SYCP1: variants seen among roughly 807,000 people sequenced by gnomAD.
The protein encoded by SYCP1 is synaptonemal complex protein 1.
SYCP1 carries 64 observed loss-of-function variants against 153.1 expected under a neutral mutation model. The observed-to-expected ratio is 0.42, with a 90% CI of 0.34 to 0.51. The LOEUF (loss-of-function observed/expected upper bound fraction) is 0.51, where lower values mean the gene tolerates loss of function less well. SYCP1 is among the 20% of genes least tolerant of loss of function. The probability of loss-of-function intolerance (pLI) is 0.06; values close to 1 mark genes in which losing one functional copy is unlikely to be tolerated. For missense variants in SYCP1, 997 were observed against 1,049.0 expected, an observed-to-expected ratio of 0.95 and a Z score of 0.68; for synonymous variants, 384 against 341.8, an observed-to-expected ratio of 1.12 and a Z score of -1.36.
chr1:114,880,881 T>C (rs374278272), intron 12 of SYCP1, among the ~76,000 whole-genome samples: 1 of 152,312 alleles, frequency 6.6e-6, no homozygotes, highest in Non-Finnish European at 1.5e-5. Context: ...TATGATCAAC[T>C]AATTTTTGTT....
intron 12 of SYCP1, among the ~76,000 whole-genome samples, chr1:114,883,881 C>T (rs2798655): frequency 0.023 from 3,547 of 152,078 alleles, 55 homozygotes; most frequent in South Asian, 0.034. Context: ...TTAGTAGAGA[C>T]GGGGTTTCAC....
At chr1:114,960,020 T>C (rs186876017) in intron 27 of SYCP1, among the ~76,000 whole-genome samples, 1 of 152,204 alleles carries the variant, frequency 6.6e-6, no homozygotes, top group African/African-American at 2.4e-5. Context: ...TTCCAAATCT[T>C]GGCTATTGTG....
intron 20 of SYCP1, among the ~76,000 whole-genome samples, chr1:114,919,194 T>C (rs1668699244): frequency 6.6e-6 from 1 of 152,080 alleles, no homozygotes; most frequent in African/African-American, 2.4e-5. Flanking sequence ...TACCCCGTTT[T>C]TTGAGGGTTT....
chr1:114,989,597 T>C (rs1673778129), intron 30 of SYCP1, among the ~76,000 whole-genome samples: 1 of 151,928 alleles, frequency 6.6e-6, no homozygotes, highest in African/African-American at 2.4e-5. Context: ...ACATGAAAAC[T>C]ATATGCTGTT....
chr1:114,923,958 A>G (rs1043048131), intron 21 of SYCP1, among the ~76,000 whole-genome samples: 2 of 152,160 alleles, frequency 1.3e-5, no homozygotes, highest in East Asian at 3.9e-4. Flanking sequence ...TGATTATAGT[A>G]TATATTATAC....
At chr1:114,884,201 G>A (rs919532601) in intron 12 of SYCP1, among the ~76,000 whole-genome samples, 2 of 152,128 alleles carry the variant, frequency 1.3e-5, no homozygotes, top group Non-Finnish European at 2.9e-5. Context: ...TCCTTGTTAC[G>A]TTTCCAATCA....
intron 23 of SYCP1, among the ~76,000 whole-genome samples, chr1:114,932,146 C>G (rs1669675100): frequency 6.6e-6 from 1 of 152,146 alleles, no homozygotes; most frequent in Non-Finnish European, 1.5e-5. Context: ...TGGCCAAGGT[C>G]AGCAAAGATT....
chr1:114,881,813 T>A (rs1665965741), intron 12 of SYCP1, among the ~76,000 whole-genome samples: 2 of 152,176 alleles, frequency 1.3e-5, no homozygotes, highest in Non-Finnish European at 2.9e-5. Flanking sequence ...ACTTTGTTGA[T>A]TTTAAGAAGT....
At chr1:114,895,539 G>A (rs1287557874) in intron 16 of SYCP1, 30 bp downstream of exon 16, 8 of 1,206,262 alleles carry the variant, frequency 6.6e-6, no homozygotes, top group Non-Finnish European at 8.0e-6. Flanking sequence ...TTAATATATA[G>A]CAATTACTTT....
intron 12 of SYCP1, among the ~76,000 whole-genome samples, chr1:114,878,726 A>G (rs1206766503): frequency 6.6e-6 from 1 of 152,056 alleles, no homozygotes; most frequent in African/African-American, 2.4e-5. Context: ...GTATTTTCCT[A>G]GAGACGGGTT....
intron 11 of SYCP1, 87 bp from the exon 12 acceptor site, chr1:114,878,007 A>C (rs1665659741): frequency 2.6e-6 from 2 of 779,876 alleles, no homozygotes; most frequent in African/African-American, 3.5e-5. Flanking sequence ...CATGTAGACA[A>C]GTACATAAAA....
chr1:114,858,319 T>C (rs936959696), intron 5 of SYCP1, among the ~76,000 whole-genome samples: 2 of 152,150 alleles, frequency 1.3e-5, no homozygotes, highest in African/African-American at 4.8e-5. Context: ...GCCATTTCAT[T>C]TTATTCAGCA....
chr1:114,924,680 C>G (rs1428753741), intron 21 of SYCP1, among the ~76,000 whole-genome samples: 1 of 151,878 alleles, frequency 6.6e-6, no homozygotes, highest in Non-Finnish European at 1.5e-5. Flanking sequence ...ATTTAAGTAA[C>G]TACAAAAAAT....
intron 12 of SYCP1, among the ~76,000 whole-genome samples, chr1:114,881,501 ATCCTTCCTTCCTTCCTTCCT>A (rs71093615): frequency 6.8e-5 from 7 of 102,746 alleles, no homozygotes; most frequent in South Asian, 3.4e-4. Context: ...GGAAGGTATT[ATCCTTCCTTCCTTCCTTCCT>A]TCCTTCCTTC....
intron 8 of SYCP1, among the ~76,000 whole-genome samples, chr1:114,864,491 C>G (rs941522134): frequency 2.0e-5 from 3 of 151,558 alleles, no homozygotes; most frequent in African/African-American, 7.3e-5. Context: ...TCTTTCTTTT[C>G]TTTTTTTGAT....
chr1:114,976,307 C>T (rs573021474), intron 27 of SYCP1, among the ~76,000 whole-genome samples: 1 of 151,228 alleles, frequency 6.6e-6, no homozygotes, highest in African/African-American at 2.4e-5. Flanking sequence ...ATCAAGTCAA[C>T]TCTCTGTTTG....
At chr1:114,857,156 A>AAAAG (rs774041717) in intron 3 of SYCP1, 76 bp from the exon 4 acceptor site, 13 of 921,326 alleles carry the variant, frequency 1.4e-5, no homozygotes, top group East Asian at 2.9e-5. Context: ...AAAAAAAAAA[A>AAAAG]AGAGAAAAAA....
At chr1:114,854,826 A>C (rs567177316), upstream of SYCP1, 2 of 152,324 alleles carry the variant, frequency 1.3e-5, no homozygotes, top group South Asian at 4.1e-4. Context: ...AAGCCCACAC[A>C]GCGACGGTTA....
Position 114,981,453 on chromosome 1 carries a change from G to A in SYCP1, c.2500G>A (p.Asp834Asn), listed in dbSNP as rs371660711. The A allele has an allele frequency of 2.0e-4, 329 of 1,608,736 alleles. No homozygotes were observed. The highest frequency in any genetic ancestry group is 2.6e-4 in the Non-Finnish European group (311 of 1,178,180). ...ATCAGTTGATCATGGCATATCCAAA[G>A]ATAAAAGAGACTATCTGTGGACATC... ...FTSVDHGISK[D>N]KRDYLWTSAK... is the part of the protein sequence containing the mutation. Residue 834 changes from aspartate (D) to asparagine (N), a missense_variant, in exon 29 of 32, where the codon GAT (aspartate) becomes AAT (asparagine). By Grantham distance (23) the Asp-to-Asn change is conservative (BLOSUM62 1). Transcript: ENST00000369522.
Sources: gnomAD v4.1 joint callset for allele counts (sites outside exome capture counted in the v4.1 genomes callset) on GRCh38, gnomAD v4.1.1 for gene constraint, MANE v1.5 for transcripts, NCBI Gene and HGNC (gene_info 2026-07-23, HGNC 2026-07-21) for gene names.